ARMC9: variants seen among roughly 807,000 people sequenced by gnomAD.
ARMC9 encodes the protein armadillo repeat containing 9.
In ARMC9, 94 loss-of-function variants were observed where a neutral mutation model predicts 107.0. The ratio of observed to expected loss-of-function variants is 0.88; its 90% confidence interval spans 0.74 to 1.04. The LOEUF is 1.04. Among genes scored for constraint, ARMC9 ranks in the 50% least tolerant of loss-of-function variants. The probability of loss-of-function intolerance (pLI) is 0.00; values close to 1 mark genes in which losing one functional copy is unlikely to be tolerated. For missense variants in ARMC9, 942 were observed against 1,030.1 expected (o/e 0.91, Z 1.17); for synonymous variants, 380 against 396.9 (o/e 0.96, Z 0.51).
At chr2:231,239,855 G>A in intron 8 of ARMC9, 88 bp from the exon 9 acceptor site, 1 of 1,100,156 alleles carries the variant, frequency 9.1e-7, no homozygotes, top group Non-Finnish European at 1.4e-6. Context: ...AAGCTGTTGA[G>A]AGACCACTCT....
chr2:231,273,399 C>A (rs2125437743), intron 14 of ARMC9, among the ~76,000 whole-genome samples: 1 of 152,286 alleles, frequency 6.6e-6, no homozygotes, highest in Admixed American at 6.5e-5. Flanking sequence ...AGAGCCTCAG[C>A]CCTCAAGTTA....
At position 231,331,783 on chromosome 2, in the gene ARMC9, C is replaced by G. The variant is rs1466930223; in HGVS notation, c.1774-10C>G. ...TGTCCATGGCATTCACCCCATGTCTCCTGAAACAGGAGGACCATGACATCA... is the reference window on the plus strand; with the variant it reads ...TGTCCATGGCATTCACCCCATGTCTGCTGAAACAGGAGGACCATGACATCA... On this transcript the variant is annotated splice_polypyrimidine_tract_variant and intron_variant, in intron 19 of 24. Transcript: ENST00000611582. The G allele has an allele frequency of 1.9e-6, 3 of 1,613,012 alleles. No individual in the cohort carries two copies. Among genetic ancestry groups the G allele is most frequent in the Admixed American group, 1.7e-5 (1 of 59,982 alleles).
chr2:231,235,369 C>T lies in ARMC9; in HGVS notation c.768C>T (p.Val256=). ...AELVDSLEAT[V]SGKMITPEYL... ...TGGTGGATTCTCTAGAGGCCACAGT[C>T]AGCGGCAAGATGGTAAGGAAGATCC... Residue 256 remains valine (V), a synonymous_variant, in exon 8 of 25, where the codon GTC becomes GTT. Transcript: ENST00000611582. 1 of 1,614,036 alleles carries T rather than the reference C, an allele frequency of 6.2e-7. No homozygotes were observed. The highest frequency in any genetic ancestry group is 8.5e-7 in the Non-Finnish European group (1 of 1,179,990).
chr2:231,276,356 T>C (rs2039751089), intron 14 of ARMC9, among the ~76,000 whole-genome samples: 1 of 151,624 alleles, frequency 6.6e-6, no homozygotes, highest in Non-Finnish European at 1.5e-5. Context: ...CTGCAACCTC[T>C]GCCTCCCGGG....
chr2:231,339,212 C>T (rs967351473), intron 20 of ARMC9, among the ~76,000 whole-genome samples: 9 of 151,808 alleles, frequency 5.9e-5, no homozygotes, highest in African/African-American at 2.2e-4. Flanking sequence ...TCTGTAATCC[C>T]AGCTACTCAG....
chr2:231,229,813 C>T (rs2035035978), intron 7 of ARMC9, among the ~76,000 whole-genome samples: 2 of 152,034 alleles, frequency 1.3e-5, no homozygotes, highest in Non-Finnish European at 2.9e-5. Context: ...GTGAGAAAAA[C>T]AATTCCATAT....
intron 20 of ARMC9, among the ~76,000 whole-genome samples, chr2:231,342,460 A>G (rs1278693006): frequency 6.6e-6 from 1 of 152,020 alleles, no homozygotes; most frequent in Non-Finnish European, 1.5e-5. Context: ...GACAGTGGGG[A>G]AGTGGAGGCA....
At chr2:231,319,217 T>C (rs933425537) in intron 19 of ARMC9, among the ~76,000 whole-genome samples, 3 of 152,166 alleles carry the variant, frequency 2.0e-5, no homozygotes, top group African/African-American at 7.2e-5. Context: ...AGTCACTGAC[T>C]GGGCTGGGCT....
rs547592233 is a variant in ARMC9, at chr2:231,226,636, AG to A, written c.598-137del. 1.0e-5 allele frequency: 10 copies of A among 973,280 alleles called. No homozygotes were observed. The South Asian group carries it at 1.4e-4, about 13-fold the overall frequency. 60.3% of individuals were successfully genotyped at this position (973,280 alleles called of 1,614,324 possible). A position where few individuals can be genotyped will look rare whatever the true frequency, so the allele number is the denominator to read the frequency against. Reference sequence around the variant, plus strand: ...AAGTTGCTTAGCTATTTACAGCAACAGTTGGAGCTGGCCCTCCCGGCTCCGA... The same window carrying A: ...AAGTTGCTTAGCTATTTACAGCAACATTGGAGCTGGCCCTCCCGGCTCCGA... On this transcript the variant is annotated intron_variant, in intron 6 of 24. Coordinates refer to ENST00000611582, the MANE Select transcript of ARMC9 (RefSeq NM_001352754.2).
intron 23 of ARMC9, among the ~76,000 whole-genome samples, chr2:231,365,296 G>A (rs1322264217): frequency 6.6e-6 from 1 of 152,212 alleles, no homozygotes; most frequent in Non-Finnish European, 1.5e-5. Flanking sequence ...CTGCAAGGTA[G>A]GCGATTGTTT....
chr2:231,318,103 G>A (rs1056278046), intron 19 of ARMC9, among the ~76,000 whole-genome samples: 1 of 151,800 alleles, frequency 6.6e-6, no homozygotes, highest in South Asian at 2.1e-4. Flanking sequence ...TATAGATAAC[G>A]TGTTGTCGTG....
intron 9 of ARMC9, among the ~76,000 whole-genome samples, chr2:231,251,627 T>G (rs2125395149): frequency 6.6e-6 from 1 of 152,362 alleles, no homozygotes; most frequent in East Asian, 1.9e-4. Flanking sequence ...CTTTCTTCAC[T>G]GCGTATCACT....
chr2:231,354,912 A>G (rs927427125), intron 21 of ARMC9, among the ~76,000 whole-genome samples: 1 of 152,188 alleles, frequency 6.6e-6, no homozygotes, highest in Non-Finnish European at 1.5e-5. Flanking sequence ...GGCCCTTGCA[A>G]CTGGCTGGAT....
intron 19 of ARMC9, among the ~76,000 whole-genome samples, chr2:231,324,035 A>C (rs1413433082): frequency 1.3e-5 from 2 of 152,124 alleles, no homozygotes; most frequent in Non-Finnish European, 2.9e-5. Context: ...AATGGGTAGC[A>C]AATATTAGGA....
At chr2:231,367,246 C>G (rs1475396793) in intron 23 of ARMC9, among the ~76,000 whole-genome samples, 2 of 152,322 alleles carry the variant, frequency 1.3e-5, no homozygotes, top group African/African-American at 2.4e-5. Context: ...GTGTCCTCTT[C>G]CAGTTATCCT....
rs1246566901 is a variant in ARMC9 at position 231,372,550 on chromosome 2, G to T, written c.*1015G>T. ...ACCAGCAAAGTGACCCATCCCGCGG[G>T]GGAGGCCTGCGCACGCCCCTCACCA... On this transcript the variant is annotated 3_prime_UTR_variant, in exon 25 of 25. Transcript: ENST00000611582. 4 of 152,324 alleles carry T rather than the reference G, an allele frequency of 2.6e-5. No homozygotes were observed. Among genetic ancestry groups the T allele is most frequent in the African/African-American group, 9.7e-5 (4 of 41,442 alleles). The allele number at this position is 152,324 out of a possible 1,614,324, so 9.4% of individuals were successfully genotyped here.
At chr2:231,304,849 AT>A (rs1363124575) in intron 19 of ARMC9, among the ~76,000 whole-genome samples, 1 of 152,220 alleles carries the variant, frequency 6.6e-6, no homozygotes, top group African/African-American at 2.4e-5. Context: ...GAAAGTTTAA[AT>A]TGTATTATTG....
intron 8 of ARMC9, 24 bp from the exon 9 acceptor site, chr2:231,239,919 G>C: frequency 6.3e-7 from 1 of 1,599,902 alleles, no homozygotes; most frequent in Non-Finnish European, 8.6e-7. Flanking sequence ...GCCATCACCA[G>C]ATGTCTTTGT....
intron 7 of ARMC9, among the ~76,000 whole-genome samples, chr2:231,229,406 A>G (rs546216485): frequency 6.6e-6 from 1 of 152,228 alleles, no homozygotes; most frequent in South Asian, 2.1e-4. Flanking sequence ...GAAGCTTTTA[A>G]AGAAGACAGG....
Sources: gnomAD v4.1 joint callset for allele counts (sites outside exome capture counted in the v4.1 genomes callset) on GRCh38, gnomAD v4.1.1 for gene constraint, MANE v1.5 for transcripts, NCBI Gene and HGNC (gene_info 2026-07-23, HGNC 2026-07-21) for gene names.